POLQ: variants seen among roughly 807,000 people sequenced by gnomAD.
The protein encoded by POLQ is DNA polymerase theta, also known as epididymis secretory sperm binding protein.
A neutral mutation model predicts 259.2 loss-of-function variants in POLQ; 233 were observed. That is an observed-to-expected ratio of 0.90 (90% confidence interval 0.81 to 1.00). The LOEUF is 1.00. Ranked by LOEUF, POLQ falls within the 50% of genes least tolerant of loss-of-function variation. The probability of loss-of-function intolerance (pLI) is 0.00; values close to 1 mark genes in which losing one functional copy is unlikely to be tolerated. For synonymous variants in POLQ, 1,025 were observed against 1,048.8 expected (o/e 0.98, Z 0.44); for missense variants, 2,871 against 3,051.6 (o/e 0.94, Z 1.39).
At chr3:121,493,900 C>T (rs887097706) in intron 14 of POLQ, among the ~76,000 whole-genome samples, 179 bp from the exon 15 acceptor site, 4 of 152,062 alleles carry the variant, frequency 2.6e-5, no homozygotes, top group Admixed American at 1.3e-4. Flanking sequence ...ACTAATTGGA[C>T]AATAAATGTG....
intron 20 of POLQ, 31 bp from the exon 21 acceptor site, chr3:121,473,518 A>C: frequency 1.3e-6 from 2 of 1,577,852 alleles, no homozygotes; most frequent in African/African-American, 1.4e-5. Context: ...TTTAGTCAAG[A>C]ATGAAACTTG....
In POLQ at chr3:121,524,086, A is replaced by T. The variant is rs1392312807; in HGVS notation, c.1109-1937T>A. 2.6e-5 allele frequency among the ~76,000 whole-genome samples: 4 copies of T among 152,238 alleles called. No individual in the cohort carries two copies. In the East Asian group the frequency reaches 7.7e-4, roughly 29 times the overall value. ...CTCATCATAGACCAGGCTCCAGTCCAAGCAGGAGCATTTGGGAACCACTGC... is the reference window on the plus strand; with the variant it reads ...CTCATCATAGACCAGGCTCCAGTCCTAGCAGGAGCATTTGGGAACCACTGC... On this transcript the variant is annotated intron_variant, in intron 7 of 29. Coordinates refer to ENST00000264233, the MANE Select transcript of POLQ (RefSeq NM_199420.4).
chr3:121,433,263 T>C (rs1249734786), intron 28 of POLQ, among the ~76,000 whole-genome samples: 1 of 152,136 alleles, frequency 6.6e-6, no homozygotes, highest in Non-Finnish European at 1.5e-5. Flanking sequence ...AGTCAGTAAA[T>C]GGGGTGTGAG....
intron 28 of POLQ, among the ~76,000 whole-genome samples, chr3:121,435,081 T>C (rs2108771865): frequency 2.6e-5 from 4 of 152,298 alleles, no homozygotes; most frequent in Admixed American, 2.6e-4. Context: ...GGAAAATCCC[T>C]TGAACCCAGG....
At chr3:121,502,642 T>C (rs527382314) in intron 12 of POLQ, among the ~76,000 whole-genome samples, 3 of 152,196 alleles carry the variant, frequency 2.0e-5, no homozygotes, top group South Asian at 2.1e-4. Flanking sequence ...CCCAAATCCA[T>C]AGAAATAAAT....
chr3:121,489,352 G>A lies in POLQ; in HGVS notation c.3579C>T (p.Asn1193=), dbSNP rs758801005. The change falls in exon 16 of 30, where the codon AAC becomes AAT. Residue 1193 remains asparagine (N), a synonymous_variant. Transcript: ENST00000264233. ...CATGAGATTGCTTTCGCAGGTACTG[G>A]TTAATTGGATGGATGTCATGGTGTT... ...YMKHHDIHPI[N]QYLRKQSHEQ... 1.4e-5 allele frequency: 23 copies of A among 1,613,220 alleles called. No homozygotes were observed. The African/African-American group carries it at 2.8e-4, about 20-fold the overall frequency.
intron 24 of POLQ, among the ~76,000 whole-genome samples, chr3:121,463,504 C>G (rs2047810340): frequency 1.3e-5 from 2 of 152,108 alleles, no homozygotes; most frequent in Non-Finnish European, 2.9e-5. Flanking sequence ...TATGATAGAT[C>G]AATCAAATTG....
Position 121,488,024 on chromosome 3 carries a change from A to G in POLQ, c.4907T>C (p.Phe1636Ser), listed in dbSNP as rs1022422262. 13 of 1,613,752 alleles carry G rather than the reference A, an allele frequency of 8.1e-6. No individual in the cohort carries two copies. The Admixed American group carries it at 8.3e-5, about 10-fold the overall frequency. The part of the protein sequence containing the change: ...NHSFIWSGAS[F>S]DLSPGLQRIL... ...CCTTTGCAGTCCTGGACTTAGATCA[A>G]ATGATGCCCCTGACCATATGAATGA... Residue 1636 changes from phenylalanine (F) to serine (S), a missense_variant, in exon 16 of 30, where the codon TTT becomes TCT. By Grantham distance (155) the Phe-to-Ser change is radical. This residue lies in a region of POLQ where 2,080 missense variants were observed against 2,126.0 expected (regional missense o/e 0.98). Coordinates refer to ENST00000264233, the MANE Select transcript of POLQ (RefSeq NM_199420.4).
chr3:121,462,835 C>T (rs1199361364), intron 24 of POLQ, among the ~76,000 whole-genome samples: 1 of 152,104 alleles, frequency 6.6e-6, no homozygotes, highest in Non-Finnish European at 1.5e-5. Flanking sequence ...CATTTGTTAG[C>T]AAAGCTTTAA....
intron 12 of POLQ, among the ~76,000 whole-genome samples, chr3:121,501,004 C>T (rs576108753): frequency 6.8e-6 from 1 of 147,998 alleles, no homozygotes; most frequent in South Asian, 2.1e-4. Context: ...GGCTCTGTCA[C>T]CCTGGCTGGA....
chr3:121,529,689 T>A lies in POLQ; in HGVS notation c.1064A>T (p.Asp355Val). Reference sequence around the variant, plus strand: ...ATTATAAAACTCTCGAGCAATGATATCTGCCAGCTTCTCACACCATTTCTT... The same window carrying A: ...ATTATAAAACTCTCGAGCAATGATAACTGCCAGCTTCTCACACCATTTCTT... ...PSKKWCEKLA[D>V]IIAREFYNLH... Residue 355 changes from aspartate (D) to valine (V), a missense_variant, in exon 7 of 30, where the codon GAT becomes GTT. Asp to Val is a radical substitution (Grantham distance 152). Transcript: ENST00000264233. 4 of 1,613,510 alleles carry A rather than the reference T, an allele frequency of 2.5e-6. No individual in the cohort carries two copies. The highest frequency in any genetic ancestry group is 3.4e-6 in the Non-Finnish European group (4 of 1,179,634).
intron 29 of POLQ, 54 bp from the exon 30 acceptor site, chr3:121,432,471 A>C (rs1412836388): frequency 1.3e-6 from 2 of 1,568,958 alleles, no homozygotes; most frequent in Non-Finnish European, 1.7e-6. Context: ...AATGTTTCCC[A>C]AACCATCCCC....
At chr3:121,532,004 C>G (rs1409562910) in intron 6 of POLQ, among the ~76,000 whole-genome samples, 1 of 152,180 alleles carries the variant, frequency 6.6e-6, no homozygotes. Flanking sequence ...CAGCAGATGC[C>G]TCACTCCACC....
intron 21 of POLQ, 108 bp downstream of exon 21, chr3:121,473,242 A>T: frequency 2.0e-6 from 2 of 1,011,104 alleles, no homozygotes; most frequent in Non-Finnish European, 2.8e-6. Flanking sequence ...ATCTGGGTAA[A>T]TTCAAATGGT....
chr3:121,522,195 C>G, intron 7 of POLQ, 46 bp from the exon 8 acceptor site: 1 of 1,396,064 alleles, frequency 7.2e-7, no homozygotes. Context: ...AACTCAGCTT[C>G]TTTAAGTGTA....
At chr3:121,457,144 T>C (rs1056045365) in intron 25 of POLQ, among the ~76,000 whole-genome samples, 25 of 152,208 alleles carry the variant, frequency 1.6e-4, no homozygotes, top group African/African-American at 5.5e-4. Context: ...AAGGATTCCC[T>C]ATTTAATAAA....
At chr3:121,509,906 G>A (rs1010086975) in intron 11 of POLQ, 133 bp downstream of exon 11, 3 of 844,678 alleles carry the variant, frequency 3.6e-6, no homozygotes, top group Non-Finnish European at 3.7e-6. Context: ...TACTAAAAAT[G>A]AGTTGATACA....
At chr3:121,504,881 C>T (rs1320261030) in intron 12 of POLQ, among the ~76,000 whole-genome samples, 1 of 151,848 alleles carries the variant, frequency 6.6e-6, no homozygotes, top group African/African-American at 2.4e-5. Context: ...GTTAAGACTC[C>T]GGGGGACTGT....
chr3:121,497,277 C>T (rs1328323458), intron 13 of POLQ, among the ~76,000 whole-genome samples: 1 of 152,108 alleles, frequency 6.6e-6, no homozygotes, highest in Non-Finnish European at 1.5e-5. Context: ...TATATCATTA[C>T]TCCAATAAAA....
Sources: allele counts gnomAD v4.1 joint callset (sites outside exome capture counted in the v4.1 genomes callset), GRCh38; gene constraint gnomAD v4.1.1; regional missense constraint gnomAD v4.1.1; transcripts MANE v1.5; gene names NCBI Gene and HGNC (gene_info 2026-07-23, HGNC 2026-07-21).